The following COL4A1 variants were observed in gnomAD, a reference collection of about 807,000 sequenced individuals.
The protein encoded by COL4A1 is collagen type IV alpha 1 chain, also known as collagen alpha-1(IV) chain.
Under a neutral mutation model 216.6 loss-of-function variants are expected in COL4A1, and 40 were observed. That is an observed-to-expected ratio of 0.18 (90% CI 0.14 to 0.24). The LOEUF (loss-of-function observed/expected upper bound fraction) is 0.24, where lower values mean the gene tolerates loss of function less well. COL4A1 is among the 10% of genes least tolerant of loss of function. The pLI is 1.00. For synonymous variants in COL4A1, 839 were observed against 810.7 expected (o/e 1.03, Z -0.59); for missense variants, 1,628 against 2,196.8 (o/e 0.74, Z 5.18).
At chr13:110,205,926 C>T (rs1879492392) in intron 15 of COL4A1, among the ~76,000 whole-genome samples, 1 of 151,960 alleles carries the variant, frequency 6.6e-6, no homozygotes, top group African/African-American at 2.4e-5. Context: ...ATTCAGATAG[C>T]TTAATATGTT....
intron 1 of COL4A1, among the ~76,000 whole-genome samples, chr13:110,300,346 C>T (rs549893503): frequency 3.9e-5 from 6 of 152,330 alleles, no homozygotes; most frequent in Admixed American, 3.3e-4. Context: ...GAATGTGGAT[C>T]ATCTCTAGGG....
Position 110,174,634 on chromosome 13 carries a change from A to G in COL4A1, c.3314T>C (p.Val1105Ala), listed in dbSNP as rs751594383. Residue 1105 changes from valine (V) to alanine (A), a missense_variant, in exon 38 of 52, where the codon GTT becomes GCT. Val to Ala is a moderately conservative substitution (Grantham distance 64, BLOSUM62 0). Transcript: ENST00000375820. ...SPGLKGSPGS[V>A]GYPGSPGLPG... Reference sequence around the variant, plus strand: ...CCCCCCTCACCTACCTGGATAGCCAACACTCCCGGGAGACCCTTTAAGGCC... The same window carrying G: ...CCCCCCTCACCTACCTGGATAGCCAGCACTCCCGGGAGACCCTTTAAGGCC... 3.1e-6 allele frequency: 5 copies of G among 1,614,060 alleles called. No individual in the cohort carries two copies. In the South Asian group the frequency reaches 4.4e-5, roughly 14 times the overall value.
intron 1 of COL4A1, among the ~76,000 whole-genome samples, chr13:110,306,653 C>T (rs1316685067): frequency 6.6e-6 from 1 of 152,186 alleles, no homozygotes; most frequent in Non-Finnish European, 1.5e-5. Flanking sequence ...CAAATCCCGC[C>T]GGCTCCCAGG....
chr13:110,170,296 C>T lies in COL4A1; in HGVS notation c.3742+251G>A, dbSNP rs565594252. On this transcript the variant is annotated intron_variant, in intron 42 of 51. Transcript: ENST00000375820. ...GCTGGTTTAAGTCCAACGCCACCGA[C>T]GGGGCACGAGTCCAGGCTTGTCCAA... 8.5e-5 allele frequency among the ~76,000 whole-genome samples: 13 copies of T among 152,280 alleles called. No individual in the cohort carries two copies. The East Asian group carries it at 1.4e-3, about 16-fold the overall frequency.
chr13:110,219,856 GTA>G (rs371792497), intron 2 of COL4A1, among the ~76,000 whole-genome samples: 2 of 40,348 alleles, frequency 5.0e-5, no homozygotes, highest in African/African-American at 1.7e-4. Context: ...GTATATATAT[GTA>G]TATATGTGTG....
intron 48 of COL4A1, chr13:110,161,893 G>A (rs1484409897): frequency 2.4e-5 from 9 of 382,802 alleles, no homozygotes; most frequent in East Asian, 1.1e-4. Context: ...TGGTTAAGCC[G>A]CATCAATGCA....
chr13:110,289,696 G>A (rs962914955), intron 1 of COL4A1, among the ~76,000 whole-genome samples: 5 of 152,270 alleles, frequency 3.3e-5, no homozygotes, highest in South Asian at 2.1e-4. Flanking sequence ...GTCCAAAAGC[G>A]CATAGAGAAT....
At chr13:110,287,995 G>A (rs1883908192) in intron 1 of COL4A1, among the ~76,000 whole-genome samples, 1 of 150,962 alleles carries the variant, frequency 6.6e-6, no homozygotes, top group Admixed American at 6.6e-5. Flanking sequence ...GGTGGCTCAC[G>A]CCTGTAATCT....
At chr13:110,186,282 C>T (rs115456674) in intron 26 of COL4A1, 103 bp downstream of exon 26, 6 of 1,415,744 alleles carry the variant, frequency 4.2e-6, no homozygotes, top group African/African-American at 4.2e-5. Flanking sequence ...GCCAAGTGTG[C>T]GCCCTGGCCT....
At chr13:110,201,004 G>C in intron 19 of COL4A1, 115 bp from the exon 20 acceptor site, 1 of 1,167,406 alleles carries the variant, frequency 8.6e-7, no homozygotes, top group Non-Finnish European at 1.3e-6. Context: ...CATGGCCAAA[G>C]GGAACGTAGA....
intron 1 of COL4A1, among the ~76,000 whole-genome samples, chr13:110,278,702 T>C (rs1458705799): frequency 3.9e-5 from 6 of 152,176 alleles, no homozygotes; most frequent in Admixed American, 1.3e-4. Context: ...GATTTCTTCA[T>C]GGGCATTTCC....
chr13:110,286,860 G>A (rs1883864095), intron 1 of COL4A1, among the ~76,000 whole-genome samples: 1 of 152,208 alleles, frequency 6.6e-6, no homozygotes, highest in African/African-American at 2.4e-5. Context: ...CAAGCTACTT[G>A]ACACCTCCAC....
intron 18 of COL4A1, among the ~76,000 whole-genome samples, chr13:110,203,121 G>A (rs1411664857): frequency 1.3e-5 from 2 of 152,048 alleles, no homozygotes; most frequent in African/African-American, 4.8e-5. Flanking sequence ...GCTGAGATGG[G>A]AGAATCACTT....
At chr13:110,200,181 C>T (rs1001513939) in intron 20 of COL4A1, among the ~76,000 whole-genome samples, 8 of 152,256 alleles carry the variant, frequency 5.3e-5, no homozygotes, top group Non-Finnish European at 1.2e-4. Flanking sequence ...CCATCAGACG[C>T]TTATCGGGTC....
In COL4A1 at chr13:110,207,004, A is replaced by G; in HGVS notation, c.781-113T>C. 9.0e-7 allele frequency: 1 copy of G among 1,110,940 alleles called. No individual in the cohort carries two copies. The highest frequency in any genetic ancestry group is 1.3e-6 in the Non-Finnish European group (1 of 746,230). 68.8% of individuals were successfully genotyped at this position (1,110,940 alleles called of 1,614,324 possible). The stretch of plus-strand genomic sequence containing the variant: ...AAACCTTTTTCTGATATATTAACAA[A>G]GAAATTCATGTTGATCTCCAGCACT... On this transcript the variant is annotated intron_variant, in intron 13 of 51. Coordinates refer to ENST00000375820, the MANE Select transcript of COL4A1 (RefSeq NM_001845.6). This position sits in a 1 kb window ranked among gnomAD's most constrained non-coding sequence, Gnocchi z 4.4.
rs537514798 is a variant in COL4A1 at position 110,224,867 on chromosome 13, AT to A, written c.145-10853del. ...GGAAACACCACAAGGTAGGTGATGG[AT>A]TTTTTTTTTCTTTTTTTGGTCTGTG... is the stretch of plus-strand genomic sequence containing the variant. On this transcript the variant is annotated intron_variant, in intron 2 of 51. Transcript: ENST00000375820. 8.4e-3 allele frequency among the ~76,000 whole-genome samples: 1,260 copies of A among 150,508 alleles called. 18 individuals are homozygous for A. The highest frequency in any genetic ancestry group is 0.027 in the African/African-American group (1,104 of 40,942).
At chr13:110,183,331 C>G in intron 26 of COL4A1, 55 bp from the exon 27 acceptor site, 1 of 1,545,460 alleles carries the variant, frequency 6.5e-7, no homozygotes, top group South Asian at 1.2e-5. Flanking sequence ...CCACACGGAA[C>G]ACAGGGAGGA....
At chr13:110,223,275 A>G (rs1359120484) in intron 2 of COL4A1, among the ~76,000 whole-genome samples, 1 of 152,228 alleles carries the variant, frequency 6.6e-6, no homozygotes, top group Non-Finnish European at 1.5e-5. Flanking sequence ...CACTGCCAGT[A>G]AAACTTATGT....
intron 43 of COL4A1, among the ~76,000 whole-genome samples, chr13:110,167,782 T>C (rs1450892020): frequency 1.3e-5 from 2 of 152,308 alleles, no homozygotes; most frequent in East Asian, 3.9e-4. Flanking sequence ...TAGGGGCTCA[T>C]TTTCTTTCCA....
Sources: gnomAD v4.1 joint callset for allele counts (sites outside exome capture counted in the v4.1 genomes callset) on GRCh38, gnomAD v4.1.1 for gene constraint, Gnocchi (gnomAD v3.1) non-coding constraint, MANE v1.5 for transcripts, NCBI Gene and HGNC (gene_info 2026-07-23, HGNC 2026-07-21) for gene names.